BDNF: variants seen among roughly 807,000 people sequenced by gnomAD.
BDNF encodes the protein brain derived neurotrophic factor, also known as neurotrophic factor BDNF precursor form.
In BDNF, 1 loss-of-function variant was observed where a neutral mutation model predicts 19.5. That is an observed-to-expected ratio of 0.05 (90% CI 0.02 to 0.24). The LOEUF is 0.24. Ranked by LOEUF, BDNF falls within the 10% of genes least tolerant of loss-of-function variation. The probability of loss-of-function intolerance (pLI) is 1.00; values close to 1 mark genes in which losing one functional copy is unlikely to be tolerated. For synonymous variants in BDNF, 100 were observed against 121.6 expected (o/e 0.82, Z 1.17); for missense variants, 195 against 317.6 (o/e 0.61, Z 2.93).
chr11:27,678,745 A>G (rs1327554876), intron 1 of BDNF, among the ~76,000 whole-genome samples: 2 of 152,200 alleles, frequency 1.3e-5, no homozygotes, highest in African/African-American at 4.8e-5. Flanking sequence ...GTCTCCCTAG[A>G]GGACCTTTTA....
chr11:27,689,001 AAATT>A (rs1857884158), intron 1 of BDNF, among the ~76,000 whole-genome samples: 1 of 152,230 alleles, frequency 6.6e-6, no homozygotes, highest in African/African-American at 2.4e-5. Context: ...TTTTTTAAAA[AAATT>A]AAATTAAAAA....
rs901279557 is a variant in BDNF at position 27,654,912 on chromosome 11, A to G, written c.*2909T>C. On this transcript the variant is annotated 3_prime_UTR_variant, in exon 2 of 2. Transcript: ENST00000356660. ...CCCAGATTTTATGTACTTTGAAAAT[A>G]TATTTAAAAACATTAAAAATTCTAT... 4.6e-5 allele frequency: 7 copies of G among 152,214 alleles called. No individual in the cohort carries two copies. Among genetic ancestry groups the G allele is most frequent in the Non-Finnish European group, 8.8e-5 (6 of 68,028 alleles). The allele number at this position is 152,214 out of a possible 1,614,324, so 9.4% of individuals were successfully genotyped here.
intron 1 of BDNF, chr11:27,675,735 G>A (rs140919999): frequency 6.6e-6 from 1 of 152,026 alleles, no homozygotes; most frequent in Non-Finnish European, 1.5e-5. Context: ...TATTATCAAG[G>A]AATAGTTCAG....
chr11:27,687,148 C>T (rs1462502825), intron 1 of BDNF, among the ~76,000 whole-genome samples: 1 of 152,142 alleles, frequency 6.6e-6, no homozygotes, highest in African/African-American at 2.4e-5. Flanking sequence ...TGCTTTATTT[C>T]ATTAAATTGA....
upstream of BDNF, chr11:27,700,639 G>C (rs984655444): frequency 6.2e-5 from 61 of 991,308 alleles, no homozygotes; most frequent in African/African-American, 9.0e-4. Context: ...ACCGAGGGGC[G>C]CCCGGAACTC....
chr11:27,718,013 A>G (rs959933468), intron 1 of BDNF, among the ~76,000 whole-genome samples: 13 of 152,122 alleles, frequency 8.5e-5, no homozygotes, highest in African/African-American at 2.9e-4. Flanking sequence ...TCTCGATTCA[A>G]CTGTCAACTA....
chr11:27,717,005 C>T (rs1860538781), intron 1 of BDNF, among the ~76,000 whole-genome samples: 1 of 152,166 alleles, frequency 6.6e-6, no homozygotes, highest in Non-Finnish European at 1.5e-5. Context: ...CCTTCTCTCT[C>T]GCTCACTGCC....
At chr11:27,700,743 A>G (rs1314352195), upstream of BDNF, 1 of 1,187,990 alleles carries the variant, frequency 8.4e-7, no homozygotes, top group Non-Finnish European at 1.1e-6. Flanking sequence ...CTTGGACAGG[A>G]CGCCCGCGGC....
At chr11:27,691,188 G>T (rs1341935757) in intron 1 of BDNF, 1 of 152,162 alleles carries the variant, frequency 6.6e-6, no homozygotes, top group East Asian at 1.9e-4. Context: ...AATACAGTTT[G>T]GGGGCAAGAA....
chr11:27,687,122 T>C (rs1336076195), intron 1 of BDNF, among the ~76,000 whole-genome samples: 1 of 152,208 alleles, frequency 6.6e-6, no homozygotes, highest in Non-Finnish European at 1.5e-5. Context: ...TCTTTTTTTC[T>C]CTAATCTTGT....
chr11:27,716,964 A>AT (rs539204689), intron 1 of BDNF, among the ~76,000 whole-genome samples: 42 of 152,230 alleles, frequency 2.8e-4, no homozygotes, highest in Admixed American at 6.5e-4. Flanking sequence ...TTCTTGGCTG[A>AT]TTATCTATTT....
chr11:27,700,391 A>T lies in BDNF; in HGVS notation c.-249T>A. 3 of 985,972 alleles carry T rather than the reference A, an allele frequency of 3.0e-6. No homozygotes were observed. The highest frequency in any genetic ancestry group is 3.6e-6 in the Non-Finnish European group (3 of 830,272). 61.1% of individuals were successfully genotyped at this position (985,972 alleles called of 1,614,324 possible). ...CGAGGCGCTACGGGGTGCGCGGGAC[A>T]GCGAGCGGGCGGGTGCGCCCGGGCG... is the stretch of plus-strand genomic sequence containing the variant. On this transcript the variant is annotated 5_prime_UTR_variant, in exon 1 of 2. Transcript: ENST00000356660.
At chr11:27,720,900 C>CCCTTT in intron 1 of BDNF, 1 of 460,044 alleles carries the variant, frequency 2.2e-6, no homozygotes, top group Non-Finnish European at 2.9e-6. Flanking sequence ...AGAGGATTAC[C>CCCTTT]CATTACCGGT....
chr11:27,686,500 CTT>C (rs1039005168), intron 1 of BDNF, among the ~76,000 whole-genome samples: 9 of 152,162 alleles, frequency 5.9e-5, no homozygotes, highest in Admixed American at 6.5e-5. Flanking sequence ...TTTCAATGGT[CTT>C]TACAATTTGG....
chr11:27,695,721 A>G (rs866066906), intron 1 of BDNF, among the ~76,000 whole-genome samples: 8 of 151,790 alleles, frequency 5.3e-5, no homozygotes, highest in Admixed American at 4.6e-4. Flanking sequence ...CTTCCTTCCA[A>G]TCGTTCTCCT....
chr11:27,717,741 C>A (rs1590505992), intron 1 of BDNF, among the ~76,000 whole-genome samples: 1 of 152,252 alleles, frequency 6.6e-6, no homozygotes, highest in African/African-American at 2.4e-5. Flanking sequence ...AAATGTCTTG[C>A]CTTCATGCTG....
At chr11:27,683,643 C>T (rs1055803160) in intron 1 of BDNF, among the ~76,000 whole-genome samples, 3 of 152,178 alleles carry the variant, frequency 2.0e-5, no homozygotes, top group African/African-American at 7.2e-5. Flanking sequence ...GTTTTCCCGA[C>T]ACCATTTATT....
At chr11:27,673,320 TCA>T (rs1277960084) in intron 1 of BDNF, among the ~76,000 whole-genome samples, 1 of 151,390 alleles carries the variant, frequency 6.6e-6, no homozygotes, top group Non-Finnish European at 1.5e-5. Context: ...GCAATAATTC[TCA>T]GATCCAAGGA....
chr11:27,686,865 A>T (rs944625741), intron 1 of BDNF, among the ~76,000 whole-genome samples: 8 of 152,112 alleles, frequency 5.3e-5, no homozygotes, highest in Non-Finnish European at 1.0e-4. Context: ...ACCTTGGTGA[A>T]TCTGACAATT....
Sources: gnomAD v4.1 joint callset for allele counts (sites outside exome capture counted in the v4.1 genomes callset) on GRCh38, gnomAD v4.1.1 for gene constraint, MANE v1.5 for transcripts, NCBI Gene and HGNC (gene_info 2026-07-23, HGNC 2026-07-21) for gene names.